Variants in KCNMA1 observed in about 807,000 individuals in gnomAD.
KCNMA1 encodes the protein Calcium-activated potassium channel subunit alpha-1.
KCNMA1 carries 29 observed loss-of-function variants against 140.0 expected under a neutral mutation model. The observed-to-expected ratio is 0.21, with a 90% CI of 0.15 to 0.28. The LOEUF (loss-of-function observed/expected upper bound fraction) is 0.28. KCNMA1 is among the 10% of genes least tolerant of loss of function. KCNMA1 has a pLI of 1.00. For missense variants in KCNMA1, 880 were observed against 1,602.2 expected (o/e 0.55, Z 7.70); for synonymous variants, 612 against 611.9 (o/e 1.00, Z 0.00).
At chr10:77,465,939 G>A (rs1439709000) in intron 1 of KCNMA1, among the ~76,000 whole-genome samples, 1 of 152,114 alleles carries the variant, frequency 6.6e-6, no homozygotes, top group Non-Finnish European at 1.5e-5. Context: ...ATGCTAAGAG[G>A]GAAAGAAGAG....
intron 2 of KCNMA1, among the ~76,000 whole-genome samples, chr10:77,260,065 G>A (rs760112485): frequency 2.0e-5 from 3 of 152,156 alleles, no homozygotes; most frequent in Non-Finnish European, 4.4e-5. Flanking sequence ...TTTATAACCC[G>A]GAATAAAGGT....
At chr10:77,038,084 A>T (rs1170277859) in intron 15 of KCNMA1, among the ~76,000 whole-genome samples, 1 of 152,210 alleles carries the variant, frequency 6.6e-6, no homozygotes, top group Non-Finnish European at 1.5e-5. Context: ...GAGAAATTTC[A>T]GTAAACAGCC....
chr10:77,514,127 G>A (rs1450985907), intron 1 of KCNMA1, among the ~76,000 whole-genome samples: 14 of 152,218 alleles, frequency 9.2e-5, no homozygotes, highest in Admixed American at 4.6e-4. Flanking sequence ...AGTGGCAGGC[G>A]AAATGTGGCC....
intron 1 of KCNMA1, among the ~76,000 whole-genome samples, chr10:77,574,809 T>C (rs1053451684): frequency 6.6e-6 from 1 of 152,234 alleles, no homozygotes; most frequent in East Asian, 1.9e-4. Context: ...GTAAGTGCCA[T>C]ATAATTTTGC....
At chr10:77,286,664 C>A (rs1019403148) in intron 2 of KCNMA1, among the ~76,000 whole-genome samples, 1 of 151,676 alleles carries the variant, frequency 6.6e-6, no homozygotes, top group African/African-American at 2.4e-5. Flanking sequence ...CATTAGAATT[C>A]ATAGAATTTG....
intron 1 of KCNMA1, among the ~76,000 whole-genome samples, chr10:77,474,868 C>T (rs2098243784): frequency 6.6e-6 from 1 of 152,154 alleles, no homozygotes; most frequent in Non-Finnish European, 1.5e-5. Flanking sequence ...ATCCTATCAT[C>T]AGTTAACTGA....
chr10:77,610,152 C>T (rs1202301267), intron 1 of KCNMA1, among the ~76,000 whole-genome samples: 2 of 152,226 alleles, frequency 1.3e-5, no homozygotes, highest in Non-Finnish European at 2.9e-5. Flanking sequence ...ATCTCCTCCT[C>T]AAAAGAGGCT....
In KCNMA1 at chr10:77,128,629, C is replaced by T. The variant is rs1358957909; in HGVS notation, c.809-7581G>A. Among the ~76,000 whole-genome samples, 6 of 152,022 alleles carry T rather than the reference C, an allele frequency of 3.9e-5. No individual in the cohort carries two copies. The East Asian group carries it at 1.2e-3, about 29-fold the overall frequency. Reference sequence around the variant, plus strand: ...GAGCCATCCAGGTTAAGAAGCATTGCAAACTTTTTCTATAAATGAACATAT... The same window carrying T: ...GAGCCATCCAGGTTAAGAAGCATTGTAAACTTTTTCTATAAATGAACATAT... On this transcript the variant is annotated intron_variant, in intron 5 of 27. Coordinates refer to ENST00000286628, the MANE Select transcript of KCNMA1 (RefSeq NM_001161352.2).
intron 18 of KCNMA1, 52 bp downstream of exon 18, chr10:77,011,915 T>G: frequency 6.8e-7 from 1 of 1,477,974 alleles, no homozygotes; most frequent in Non-Finnish European, 9.5e-7. Context: ...GAAAAGGAAT[T>G]TGGGGAATAG....
chr10:77,079,637 G>T, intron 12 of KCNMA1, 87 bp from the exon 13 acceptor site: 2 of 918,520 alleles, frequency 2.2e-6, no homozygotes, highest in Non-Finnish European at 1.8e-6. Context: ...TCCAAATGGG[G>T]TACCCATGGG....
chr10:77,006,317 A>T (rs1260166748), intron 18 of KCNMA1, among the ~76,000 whole-genome samples: 1 of 152,192 alleles, frequency 6.6e-6, no homozygotes, highest in African/African-American at 2.4e-5. Flanking sequence ...CATTCAATCA[A>T]TAGATACTTT....
intron 3 of KCNMA1, among the ~76,000 whole-genome samples, chr10:77,193,726 C>T (rs1052247494): frequency 6.6e-6 from 1 of 152,150 alleles, no homozygotes; most frequent in African/African-American, 2.4e-5. Context: ...CCCAACCCCA[C>T]TCTGGGACCA....
intron 20 of KCNMA1, among the ~76,000 whole-genome samples, chr10:76,969,258 G>A: frequency 6.9e-6 from 1 of 145,778 alleles, no homozygotes. Flanking sequence ...GAGAGAAGGA[G>A]GAAGGGAGGG....
At chr10:77,495,791 T>G (rs1474134119) in intron 1 of KCNMA1, among the ~76,000 whole-genome samples, 1 of 152,076 alleles carries the variant, frequency 6.6e-6, no homozygotes, top group African/African-American at 2.4e-5. Context: ...GCCAGCCTCA[T>G]GATGAGCAGA....
At chr10:77,164,789 G>A (rs1004213095) in intron 5 of KCNMA1, among the ~76,000 whole-genome samples, 1 of 152,098 alleles carries the variant, frequency 6.6e-6, no homozygotes, top group Non-Finnish European at 1.5e-5. Flanking sequence ...CTCTTAGTCC[G>A]GAGGTAACAG....
intron 25 of KCNMA1, among the ~76,000 whole-genome samples, chr10:76,893,856 C>T (rs1046859551): frequency 3.3e-5 from 5 of 152,154 alleles, no homozygotes; most frequent in Non-Finnish European, 7.4e-5. Context: ...AATAAATGGA[C>T]AGACATCCCA....
At chr10:77,325,640 C>T (rs1414597609) in intron 2 of KCNMA1, among the ~76,000 whole-genome samples, 1 of 152,212 alleles carries the variant, frequency 6.6e-6, no homozygotes, top group Non-Finnish European at 1.5e-5. Context: ...TTCCTCCCTC[C>T]ACCAAGTCCC....
At chr10:76,948,013 G>GTTT (rs1565118273) in intron 22 of KCNMA1, among the ~76,000 whole-genome samples, 3 of 151,750 alleles carry the variant, frequency 2.0e-5, no homozygotes, top group African/African-American at 7.3e-5. Flanking sequence ...TTTTGTTTTT[G>GTTT]TTTTTGTTTG....
chr10:77,446,187 C>T (rs1203936837), intron 1 of KCNMA1, among the ~76,000 whole-genome samples: 1 of 152,190 alleles, frequency 6.6e-6, no homozygotes, highest in African/African-American at 2.4e-5. Context: ...CCCCTGATTC[C>T]CCCAGGGCCT....
Sources: allele counts gnomAD v4.1 joint callset (sites outside exome capture counted in the v4.1 genomes callset), GRCh38; gene constraint gnomAD v4.1.1; transcripts MANE v1.5; gene names NCBI Gene and HGNC (gene_info 2026-07-23, HGNC 2026-07-21).